Variants in RIMBP2 observed in about 807,000 individuals in gnomAD.
RIMBP2 encodes RIMS-binding protein 2.
A neutral mutation model predicts 118.6 loss-of-function variants in RIMBP2; 48 were observed. The ratio of observed to expected loss-of-function variants is 0.40; its 90% CI spans 0.32 to 0.51. RIMBP2 has a LOEUF of 0.51. Ranked by LOEUF, RIMBP2 falls within the 20% of genes least tolerant of loss-of-function variation. RIMBP2 has a pLI of 0.41. For synonymous variants in RIMBP2, 762 were observed against 742.9 expected, an observed-to-expected ratio of 1.03 and a Z score of -0.42; for missense variants, 1,551 against 1,768.3, an observed-to-expected ratio of 0.88 and a Z score of 2.20.
chr12:130,463,870 G>A (rs2080223089), intron 6 of RIMBP2, among the ~76,000 whole-genome samples: 1 of 150,706 alleles, frequency 6.6e-6, no homozygotes, highest in African/African-American at 2.4e-5. Context: ...GCGCAGTAAA[G>A]GAGCCACCGA....
intron 1 of RIMBP2, among the ~76,000 whole-genome samples, chr12:130,664,465 ACACACGCACG>A (rs1371416416): frequency 8.2e-6 from 1 of 122,634 alleles, no homozygotes; most frequent in African/African-American, 2.9e-5. Flanking sequence ...ATGCACGCAC[ACACACGCACG>A]CACACGCATC....
chr12:130,414,085 C>A (rs775373341), intron 18 of RIMBP2, 40 bp downstream of exon 18: 1 of 1,606,286 alleles, frequency 6.2e-7, no homozygotes, highest in African/African-American at 1.3e-5. Context: ...AGACCCGCCT[C>A]AGGGGCTGAT....
chr12:130,445,040 A>C, intron 10 of RIMBP2, 120 bp downstream of exon 10: 1 of 641,620 alleles, frequency 1.6e-6, no homozygotes, highest in Non-Finnish European at 2.7e-6. Flanking sequence ...GTCAGAGAGG[A>C]GGGCTGGGTG....
At chr12:130,609,969 T>C (rs1311931679) in intron 2 of RIMBP2, among the ~76,000 whole-genome samples, 4 of 152,130 alleles carry the variant, frequency 2.6e-5, no homozygotes, top group African/African-American at 9.7e-5. Flanking sequence ...GACGATTCCT[T>C]AGTCCACTGA....
At chr12:130,407,698 G>A (rs373145271) in intron 20 of RIMBP2, 28 bp downstream of exon 20, 34 of 1,563,718 alleles carry the variant, frequency 2.2e-5, no homozygotes, top group African/African-American at 1.2e-4. Context: ...GGTTGTGTCC[G>A]TCATGAAGTG....
chr12:130,609,427 T>C (rs1452542773), intron 2 of RIMBP2, among the ~76,000 whole-genome samples: 3 of 131,080 alleles, frequency 2.3e-5, no homozygotes, highest in African/African-American at 8.4e-5. Context: ...TCCTTGGTGA[T>C]ATGGTCAGAG....
intron 4 of RIMBP2, among the ~76,000 whole-genome samples, chr12:130,505,430 A>G (rs1318365461): frequency 1.3e-5 from 2 of 150,764 alleles, no homozygotes; most frequent in African/African-American, 4.9e-5. Context: ...CTCCAAAAAG[A>G]ACCTCATACC....
At position 130,412,518 on chromosome 12, in the gene RIMBP2, G is replaced by A; in HGVS notation, c.3589+101C>T. The stretch of plus-strand genomic sequence containing the variant: ...TTACATGACTTTGGCATATTTAAAT[G>A]ATGCAATTTGGGGTCTCCTCATCAC... On this transcript the variant is annotated intron_variant, in intron 19 of 22. Transcript: ENST00000690449. 6 of 1,073,642 alleles carry A rather than the reference G, an allele frequency of 5.6e-6. 1 individual carries two copies. In the South Asian group the frequency reaches 8.1e-5, roughly 15 times the overall value. 66.5% of individuals were successfully genotyped at this position (1,073,642 alleles called of 1,614,324 possible).
intron 2 of RIMBP2, among the ~76,000 whole-genome samples, chr12:130,548,132 C>T (rs1351699069): frequency 6.6e-6 from 1 of 151,008 alleles, no homozygotes; most frequent in Non-Finnish European, 1.5e-5. Context: ...TGACGGAAGA[C>T]AAGAAGCCCA....
chr12:130,623,308 A>G lies in RIMBP2; in HGVS notation c.-217+5014T>C, dbSNP rs552559056. 6.6e-6 allele frequency among the ~76,000 whole-genome samples: 1 copy of G among 152,320 alleles called. No homozygotes were observed. Among genetic ancestry groups the G allele is most frequent in the Admixed American group, 6.5e-5 (1 of 15,302 alleles). ...TGCAGAACATGCAGGTTTGTTACAC[A>G]GGTATACATGTGCCACAGTGGTTTG... is the stretch of plus-strand genomic sequence containing the variant. On this transcript the variant is annotated intron_variant, in intron 2 of 22. Transcript: ENST00000690449. The surrounding 1 kb of genome is among the most constrained non-coding windows in gnomAD (Gnocchi z 4.1).
rs1384342344 is a variant in RIMBP2 at position 130,617,318 on chromosome 12, A to G, written c.-217+11004T>C. The stretch of plus-strand genomic sequence containing the variant: ...TAGAACCCAGGTCCATCCTCATGCA[A>G]ATGGCGTCATCCCTGCCCTTTGCCT... On this transcript the variant is annotated intron_variant, in intron 2 of 22. Transcript: ENST00000690449. The surrounding 1 kb of genome is among the most constrained non-coding windows in gnomAD (Gnocchi z 4.6). Among the ~76,000 whole-genome samples, 2 of 152,114 alleles carry G rather than the reference A, an allele frequency of 1.3e-5. No homozygotes were observed. Among genetic ancestry groups the G allele is most frequent in the African/African-American group, 2.4e-5 (1 of 41,438 alleles).
chr12:130,459,337 C>T (rs2079768895), intron 6 of RIMBP2, among the ~76,000 whole-genome samples: 1 of 151,768 alleles, frequency 6.6e-6, no homozygotes, highest in Non-Finnish European at 1.5e-5. Flanking sequence ...CAAGTAAATT[C>T]CCCAGCATGC....
Position 130,646,101 on chromosome 12 carries a change from C to CCCTCACCACCTG in RIMBP2, c.-351-17646_-351-17645insCAGGTGGTGAGG, listed in dbSNP as rs1566422069. 1.4e-4 allele frequency among the ~76,000 whole-genome samples: 17 copies of CCCTCACCACCTG among 121,498 alleles called. 2 individuals carry two copies. The highest frequency in any genetic ancestry group is 2.9e-4 in the Non-Finnish European group (16 of 55,534). 79.7% of individuals were successfully genotyped at this position (121,498 alleles called of 152,430 possible). The stretch of plus-strand genomic sequence containing the variant: ...TCCCTCACCACTTCCCTCTCCACCT[C>CCCTCACCACCTG]CCTCTCCACCTCCCTCACCACCTGC... On this transcript the variant is annotated intron_variant, in intron 1 of 22. Transcript: ENST00000690449.
chr12:130,625,400 G>A (rs1594087139), intron 2 of RIMBP2, among the ~76,000 whole-genome samples: 1 of 152,304 alleles, frequency 6.6e-6, no homozygotes, highest in South Asian at 2.1e-4. Context: ...GCTGCCTTTG[G>A]AGAGATTAAA....
At chr12:130,692,158 T>G (rs2065336265) in intron 1 of RIMBP2, among the ~76,000 whole-genome samples, 2 of 152,268 alleles carry the variant, frequency 1.3e-5, no homozygotes, top group South Asian at 4.1e-4. Context: ...GGCCTGGGTT[T>G]GACTCCTGCC....
intron 14 of RIMBP2, among the ~76,000 whole-genome samples, chr12:130,432,694 C>T (rs952243748): frequency 5.9e-5 from 9 of 152,316 alleles, no homozygotes; most frequent in Admixed American, 2.0e-4. Flanking sequence ...CTGCAGGCCT[C>T]GGGGAGGCCT....
Position 130,422,324 on chromosome 12 carries a change from T to A in RIMBP2, c.3238+129A>T, listed in dbSNP as rs2076467029. 1 of 573,408 alleles carries A rather than the reference T, an allele frequency of 1.7e-6. No individual in the cohort carries two copies. The highest frequency in any genetic ancestry group is 1.9e-5 in the African/African-American group (1 of 53,772). 35.5% of individuals were successfully genotyped at this position (573,408 alleles called of 1,614,324 possible). ...TCTTGTGCTGTTCCTGCCTTCTTTTTGCCATGAATAACAGTGTTCTTTGCT... is the reference window on the plus strand; with the variant it reads ...TCTTGTGCTGTTCCTGCCTTCTTTTAGCCATGAATAACAGTGTTCTTTGCT... On this transcript the variant is annotated intron_variant, in intron 17 of 22. Transcript: ENST00000690449. The surrounding 1 kb of genome is among the most constrained non-coding windows in gnomAD (Gnocchi z 5.2).
Position 130,470,707 on chromosome 12 carries a change from C to T in RIMBP2, c.139G>A (p.Val47Met). Residue 47 changes from valine (V) to methionine (M), a missense_variant, in exon 6 of 23, where the codon GTG becomes ATG. This residue lies in a region of RIMBP2 where 239 missense variants were observed against 256.8 expected (regional missense o/e 0.93). Transcript: ENST00000690449. ...ACGCTCCTTACCTCTAGCAGCCGCA[C>T]TGCGCCTTCATGCTCCTTCTTAGCC... ...VEAKKEHEGA[V>M]RLLESKVREL... 8.1e-7 allele frequency: 1 copy of T among 1,232,114 alleles called. No individual in the cohort carries two copies. The highest frequency in any genetic ancestry group is 3.2e-5 in the East Asian group (1 of 31,706). The allele number at this position is 1,232,114 out of a possible 1,614,324, so 76.3% of individuals were successfully genotyped here. A position where few individuals can be genotyped will look rare whatever the true frequency, so the allele number is the denominator to read the frequency against.
chr12:130,606,931 A>C (rs1220391572), intron 2 of RIMBP2, among the ~76,000 whole-genome samples: 1 of 152,150 alleles, frequency 6.6e-6, no homozygotes, highest in Non-Finnish European at 1.5e-5. Flanking sequence ...TCCCGGGTTC[A>C]AGCAATTCTC....
Sources: gnomAD v4.1 joint callset for allele counts (sites outside exome capture counted in the v4.1 genomes callset) on GRCh38, gnomAD v4.1.1 for gene constraint, gnomAD v4.1.1 regional missense constraint, Gnocchi (gnomAD v3.1) non-coding constraint, MANE v1.5 for transcripts, NCBI Gene and HGNC (gene_info 2026-07-23, HGNC 2026-07-21) for gene names.